The following COL5A1 variants were observed in gnomAD, a reference collection of about 807,000 sequenced individuals.
COL5A1 encodes the protein collagen alpha-1(V) chain.
A neutral mutation model predicts 263.7 loss-of-function variants in COL5A1; 16 were observed. The observed-to-expected ratio is 0.06, with a 90% CI of 0.04 to 0.09. The LOEUF is 0.09. COL5A1 is among the 10% of genes least tolerant of loss of function. COL5A1 has a pLI of 1.00. For synonymous variants in COL5A1, 1,012 were observed against 1,004.5 expected (o/e 1.01, Z -0.14); for missense variants, 2,036 against 2,540.5 (o/e 0.80, Z 4.27).
rs1835736264 is a variant in COL5A1 at position 134,750,473 on chromosome 9, C to T, written c.1495-69C>T. On this transcript the variant is annotated intron_variant, in intron 11 of 65. Coordinates refer to ENST00000371817, the MANE Select transcript of COL5A1 (RefSeq NM_000093.5). ...GGGTGGGCCGCTTCTCCGACGCCCT[C>T]ATTCTCGCTGCAGCCCAGCCCTGGC... The T allele has an allele frequency of 2.1e-6, 3 of 1,439,908 alleles. No individual in the cohort carries two copies. The Admixed American group carries it at 5.0e-5, about 24-fold the overall frequency. 89.2% of individuals were successfully genotyped at this position (1,439,908 alleles called of 1,614,324 possible).
At chr9:134,768,937 G>A (rs1010928874) in intron 25 of COL5A1, among the ~76,000 whole-genome samples, 2 of 152,146 alleles carry the variant, frequency 1.3e-5, no homozygotes, top group East Asian at 1.9e-4. Context: ...TGGAAATAGC[G>A]AGTTGGTGAC....
At chr9:134,668,471 A>G (rs569559393) in intron 1 of COL5A1, among the ~76,000 whole-genome samples, 65 of 129,654 alleles carry the variant, frequency 5.0e-4, no homozygotes, top group Middle Eastern at 3.6e-3. Flanking sequence ...GTAGGGTAGC[A>G]GGAGAGAACA....
rs888720648 is a variant in COL5A1, at chr9:134,810,568, G to C, written c.3528+260G>C. On this transcript the variant is annotated intron_variant, in intron 44 of 65. Transcript: ENST00000371817. The stretch of plus-strand genomic sequence containing the variant: ...GAAATTAAATAAATGGAGTGTTTCT[G>C]TCCTAGAGGGCTTGGGTTCTGCAGA... 6 of 506,220 alleles carry C rather than the reference G, an allele frequency of 1.2e-5. No homozygotes were observed. The Admixed American group carries it at 1.7e-4, about 15-fold the overall frequency. 31.4% of individuals were successfully genotyped at this position (506,220 alleles called of 1,614,324 possible).
chr9:134,759,205 C>T (rs539877583), intron 18 of COL5A1, among the ~76,000 whole-genome samples: 2 of 148,840 alleles, frequency 1.3e-5, no homozygotes, highest in African/African-American at 5.1e-5. Flanking sequence ...GAGTGCACAC[C>T]CCCCATGCAC....
chr9:134,815,712 G>T, intron 51 of COL5A1, 83 bp downstream of exon 51: 2 of 1,483,804 alleles, frequency 1.3e-6, no homozygotes, highest in African/African-American at 2.8e-5. Flanking sequence ...TCTTTCTGGT[G>T]GTTCTTTGTG....
chr9:134,668,262 C>A (rs1207178071), intron 1 of COL5A1, among the ~76,000 whole-genome samples: 2 of 152,160 alleles, frequency 1.3e-5, no homozygotes, highest in Non-Finnish European at 2.9e-5. Context: ...GCCACTGATC[C>A]AGCATGAGGC....
rs1252060893 is a variant in COL5A1 at position 134,737,358 on chromosome 9, G to A, written c.1390-1116G>A. On this transcript the variant is annotated intron_variant, in intron 9 of 65. Transcript: ENST00000371817. Reference sequence around the variant, plus strand: ...CTGGAGCCTTGGCTGGGCGGCTGACGGGTGCTGTGTCGCAACGTGGGGAGC... The same window carrying A: ...CTGGAGCCTTGGCTGGGCGGCTGACAGGTGCTGTGTCGCAACGTGGGGAGC... 7.9e-5 allele frequency among the ~76,000 whole-genome samples: 12 copies of A among 152,344 alleles called. No homozygotes were observed. The South Asian group carries it at 1.2e-3, about 16-fold the overall frequency.
chr9:134,762,036 G>T (rs370978297), intron 19 of COL5A1, 58 bp downstream of exon 19: 164 of 1,583,594 alleles, frequency 1.0e-4, no homozygotes, highest in African/African-American at 1.1e-4. Context: ...CAGTGATTTG[G>T]GCAGGAAAAC....
chr9:134,823,450 C>T lies in COL5A1; in HGVS notation c.4679C>T (p.Pro1560Leu). ...PTGPKGEAGHPGPPGPPGPPG... is the reference protein window; with the variant it reads ...PTGPKGEAGHLGPPGPPGPPG... ...GGCCCGAAGGGTGAGGCAGGCCACC[C>T]AGGACCCCCAGGCCCCCCGGTAAGT... Residue 1560 changes from proline (P) to leucine (L), a missense_variant, in exon 61 of 66, where the codon CCA becomes CTA. Physicochemically the swap from Pro to Leu is moderately conservative, Grantham distance 98 (BLOSUM62 -3). This residue lies in a region of COL5A1 where 358 missense variants were observed against 384.6 expected (regional missense o/e 0.93). Coordinates refer to ENST00000371817, the MANE Select transcript of COL5A1 (RefSeq NM_000093.5). 6.2e-7 allele frequency: 1 copy of T among 1,614,194 alleles called. No individual in the cohort carries two copies. The highest frequency in any genetic ancestry group is 8.5e-7 in the Non-Finnish European group (1 of 1,180,002).
In COL5A1 at chr9:134,825,957, G is replaced by A. The variant is rs1839248244; in HGVS notation, c.5067+53G>A. 4.2e-6 allele frequency: 5 copies of A among 1,181,044 alleles called. No individual in the cohort carries two copies. In the East Asian group the frequency reaches 1.2e-4, roughly 28 times the overall value. 73.2% of individuals were successfully genotyped at this position (1,181,044 alleles called of 1,614,324 possible). A position where few individuals can be genotyped will look rare whatever the true frequency, so the allele number is the denominator to read the frequency against. On this transcript the variant is annotated intron_variant, in intron 63 of 65. Transcript: ENST00000371817. Reference sequence around the variant, plus strand: ...CAGCGGGGCAGGCGTCACAGACAGGGCCATGCCGAGGGCTTCAAGCATTTC... The same window carrying A: ...CAGCGGGGCAGGCGTCACAGACAGGACCATGCCGAGGGCTTCAAGCATTTC...
intron 4 of COL5A1, among the ~76,000 whole-genome samples, chr9:134,712,557 A>C (rs1221032178): frequency 5.2e-4 from 9 of 17,314 alleles, no homozygotes; most frequent in Admixed American, 1.5e-3. Context: ...GTCCTTCCTG[A>C]GCCCCCTTTC....
chr9:134,753,954 G>C (rs1322761738), intron 15 of COL5A1, 51 bp downstream of exon 15: 1 of 1,532,026 alleles, frequency 6.5e-7, no homozygotes, highest in Admixed American at 1.7e-5. Context: ...CCGTTCTCCG[G>C]CGGCAGCGAC....
chr9:134,700,877 C>T lies in COL5A1; in HGVS notation c.492-294C>T, dbSNP rs1833648792. Reference sequence around the variant, plus strand: ...CACACTCCTGGGTCCCGAGCCAGTGCCGAGTGCTGTGTGCTCCCCCTTCCC... The same window carrying T: ...CACACTCCTGGGTCCCGAGCCAGTGTCGAGTGCTGTGTGCTCCCCCTTCCC... On this transcript the variant is annotated intron_variant, in intron 3 of 65. Transcript: ENST00000371817. The surrounding 1 kb of genome is among the most constrained non-coding windows in gnomAD (Gnocchi z 4.0). Among the ~76,000 whole-genome samples, 2 of 152,174 alleles carry T rather than the reference C, an allele frequency of 1.3e-5. No homozygotes were observed. The highest frequency in any genetic ancestry group is 1.5e-5 in the Non-Finnish European group (1 of 68,038).
At chr9:134,796,541 G>A (rs1263682079) in intron 35 of COL5A1, 123 bp downstream of exon 35, 1 of 1,065,440 alleles carries the variant, frequency 9.4e-7, no homozygotes, top group East Asian at 2.4e-5. Flanking sequence ...TGAAGGGTAG[G>A]GTTTTCCTAA....
Position 134,765,794 on chromosome 9 carries a change from C to G in COL5A1, c.2088+60C>G. On this transcript the variant is annotated intron_variant, in intron 21 of 65. Coordinates refer to ENST00000371817, the MANE Select transcript of COL5A1 (RefSeq NM_000093.5). This position sits in a 1 kb window ranked among gnomAD's most constrained non-coding sequence, Gnocchi z 5.1. Reference sequence around the variant, plus strand: ...ATCTCGGCCTTTGAGACCCCGCCTCCCAGCCGGTGGACGCTTGGGCACTGG... The same window carrying G: ...ATCTCGGCCTTTGAGACCCCGCCTCGCAGCCGGTGGACGCTTGGGCACTGG... 2 of 1,448,312 alleles carry G rather than the reference C, an allele frequency of 1.4e-6. No homozygotes were observed. The highest frequency in any genetic ancestry group is 1.9e-6 in the Non-Finnish European group (2 of 1,042,246). The allele number at this position is 1,448,312 out of a possible 1,614,324, so 89.7% of individuals were successfully genotyped here. A position where few individuals can be genotyped will look rare whatever the true frequency, so the allele number is the denominator to read the frequency against.
chr9:134,796,089 C>T (rs1408007259), intron 34 of COL5A1, among the ~76,000 whole-genome samples: 2 of 152,180 alleles, frequency 1.3e-5, no homozygotes, highest in Admixed American at 6.5e-5. Context: ...TCCAGGTGCT[C>T]GAGGCTGGGG....
rs372942492 is a variant in COL5A1 at position 134,679,156 on chromosome 9, T to TTGTCTTG, written c.110-11745_110-11739dup. Among the ~76,000 whole-genome samples, 439 of 152,306 alleles carry TTGTCTTG rather than the reference T, an allele frequency of 2.9e-3. 2 individuals are homozygous for TTGTCTTG. The highest frequency in any genetic ancestry group is 0.01 in the African/African-American group (418 of 41,564). ...TCTTCCTTTCGCTCTCTGGGCCTCCTTGTCTTGTGTCTTGTGTGGAAAGAG... is the reference window on the plus strand; with the variant it reads ...TCTTCCTTTCGCTCTCTGGGCCTCCTTGTCTTGTGTCTTGTGTCTTGTGTGGAAAGAG... On this transcript the variant is annotated intron_variant, in intron 1 of 65. Transcript: ENST00000371817.
intron 65 of COL5A1, among the ~76,000 whole-genome samples, chr9:134,837,939 A>G (rs1325799256): frequency 1.3e-5 from 2 of 152,118 alleles, no homozygotes; most frequent in Admixed American, 1.3e-4. Flanking sequence ...TTCTCACCAT[A>G]GCCCCTTCCT....
chr9:134,652,403 T>C lies in COL5A1; in HGVS notation c.109+10107T>C, dbSNP rs879308192. 2.2e-5 allele frequency among the ~76,000 whole-genome samples: 1 copy of C among 44,468 alleles called. No homozygotes were observed. The highest frequency in any genetic ancestry group is 8.5e-5 in the African/African-American group (1 of 11,698). The allele number at this position is 44,468 out of a possible 152,430, so 29.2% of individuals were successfully genotyped here. On this transcript the variant is annotated intron_variant, in intron 1 of 65. Transcript: ENST00000371817. This position sits in a 1 kb window ranked among gnomAD's most constrained non-coding sequence, Gnocchi z 4.4. ...GAGCCATCGGGAGAGGGAGAGGGGGTGGGAGGGCAGGGGAGCGACTGTCCT... is the reference window on the plus strand; with the variant it reads ...GAGCCATCGGGAGAGGGAGAGGGGGCGGGAGGGCAGGGGAGCGACTGTCCT...
Sources: allele counts gnomAD v4.1 joint callset (sites outside exome capture counted in the v4.1 genomes callset), GRCh38; gene constraint gnomAD v4.1.1; regional missense constraint gnomAD v4.1.1; non-coding constraint Gnocchi (gnomAD v3.1); transcripts MANE v1.5; gene names NCBI Gene and HGNC (gene_info 2026-07-23, HGNC 2026-07-21).